The following CYTH1 variants were observed in gnomAD, a reference collection of about 807,000 sequenced individuals.
CYTH1 encodes the protein cytohesin-1.
CYTH1 carries 18 observed loss-of-function variants against 61.8 expected under a neutral mutation model. The observed-to-expected ratio is 0.29, with a 90% CI of 0.20 to 0.43. CYTH1 has a LOEUF of 0.43. CYTH1 is among the 20% of genes least tolerant of loss of function. The pLI, the probability that CYTH1 is intolerant of heterozygous loss-of-function variation, is 1.00. For synonymous variants in CYTH1, 174 were observed against 184.3 expected, an observed-to-expected ratio of 0.94 and a Z score of 0.45; for missense variants, 336 against 510.5, an observed-to-expected ratio of 0.66 and a Z score of 3.29.
At position 78,675,832 on chromosome 17, in the gene CYTH1, C is replaced by T. The variant is rs1337761416; in HGVS notation, c.*259G>A. On this transcript the variant is annotated 3_prime_UTR_variant, in exon 14 of 14. Transcript: ENST00000446868. ...CAGAGAAACTGGCCAGGAGGCTGCCCTGCCGACAAGAGCTCTGCCCTGTGA... is the reference window on the plus strand; with the variant it reads ...CAGAGAAACTGGCCAGGAGGCTGCCTTGCCGACAAGAGCTCTGCCCTGTGA... 7.7e-6 allele frequency: 11 copies of T among 1,437,788 alleles called. No homozygotes were observed. Among genetic ancestry groups the T allele is most frequent in the Non-Finnish European group, 1.0e-5 (11 of 1,091,356 alleles). The allele number at this position is 1,437,788 out of a possible 1,614,324, so 89.1% of individuals were successfully genotyped here.
At chr17:78,749,110 A>T (rs764683059) in intron 1 of CYTH1, among the ~76,000 whole-genome samples, 1 of 152,132 alleles carries the variant, frequency 6.6e-6, no homozygotes, top group Non-Finnish European at 1.5e-5. Flanking sequence ...ATTGATTTAA[A>T]AACAAACTAG....
chr17:78,703,031 C>T (rs1398827329), intron 3 of CYTH1, among the ~76,000 whole-genome samples: 3 of 152,096 alleles, frequency 2.0e-5, no homozygotes, highest in Admixed American at 2.0e-4. Context: ...AATGATCTGC[C>T]TGCGTCAGCC....
chr17:78,764,202 T>TA (rs2093439540), intron 1 of CYTH1, among the ~76,000 whole-genome samples: 1 of 151,734 alleles, frequency 6.6e-6, no homozygotes, highest in Admixed American at 6.6e-5. Context: ...AAATGTCTTT[T>TA]TTTTTTTTTT....
At chr17:78,731,525 C>T (rs969690194) in intron 1 of CYTH1, among the ~76,000 whole-genome samples, 6 of 151,852 alleles carry the variant, frequency 4.0e-5, no homozygotes, top group Admixed American at 6.6e-5. Context: ...TTTGGGAGGC[C>T]GAGGTGGGCA....
chr17:78,748,079 T>C (rs1017051399), intron 1 of CYTH1, among the ~76,000 whole-genome samples: 6 of 152,166 alleles, frequency 3.9e-5, no homozygotes, highest in African/African-American at 1.4e-4. Flanking sequence ...CCCTACCCAT[T>C]ATTCAAAGTC....
chr17:78,754,888 A>G (rs967076340), intron 1 of CYTH1, among the ~76,000 whole-genome samples: 3 of 152,094 alleles, frequency 2.0e-5, no homozygotes, highest in Admixed American at 6.5e-5. Flanking sequence ...CCTCTATTAT[A>G]TTTTATATAT....
At chr17:78,733,675 C>A (rs1384367) in intron 1 of CYTH1, among the ~76,000 whole-genome samples, 61,806 of 152,218 alleles carry the variant, frequency 0.41, 14,975 homozygotes, top group Non-Finnish European at 0.53. Flanking sequence ...GAATTCCAGG[C>A]GATGCCAAGA....
intron 1 of CYTH1, among the ~76,000 whole-genome samples, chr17:78,736,230 T>A (rs2093319339): frequency 6.6e-6 from 1 of 152,248 alleles, no homozygotes; most frequent in South Asian, 2.1e-4. Flanking sequence ...ATTTGTGGAA[T>A]TCCCAGAAGT....
intron 1 of CYTH1, among the ~76,000 whole-genome samples, chr17:78,771,127 G>A (rs1567885726): frequency 6.6e-6 from 1 of 152,164 alleles, no homozygotes; most frequent in Admixed American, 6.5e-5. Flanking sequence ...GCCAGGCATG[G>A]TGGTGCCCGC....
At chr17:78,776,996 A>G (rs1240182762) in intron 1 of CYTH1, among the ~76,000 whole-genome samples, 4 of 151,994 alleles carry the variant, frequency 2.6e-5, no homozygotes, top group Non-Finnish European at 4.4e-5. Flanking sequence ...GTGGTGACGC[A>G]TGCCTGTAAT....
At position 78,675,842 on chromosome 17, in the gene CYTH1, G is replaced by A; in HGVS notation, c.*249C>T. ...GGCCAGGAGGCTGCCCTGCCGACAA[G>A]AGCTCTGCCCTGTGAGAGAGGAAGG... On this transcript the variant is annotated 3_prime_UTR_variant, in exon 14 of 14. Coordinates refer to ENST00000446868, the MANE Select transcript of CYTH1 (RefSeq NM_004762.6). 1 of 1,443,604 alleles carries A rather than the reference G, an allele frequency of 6.9e-7. No homozygotes were observed. Among genetic ancestry groups the A allele is most frequent in the Non-Finnish European group, 9.1e-7 (1 of 1,095,502 alleles). 89.4% of individuals were successfully genotyped at this position (1,443,604 alleles called of 1,614,324 possible).
intron 11 of CYTH1, among the ~76,000 whole-genome samples, chr17:78,685,158 C>G (rs1261911195): frequency 7.2e-6 from 1 of 138,418 alleles, no homozygotes; most frequent in African/African-American, 2.7e-5. Flanking sequence ...ACTGCAAGAT[C>G]GTGCCACTGG....
chr17:78,758,200 A>C (rs1390533544), intron 1 of CYTH1, among the ~76,000 whole-genome samples: 3 of 152,208 alleles, frequency 2.0e-5, no homozygotes, highest in African/African-American at 7.2e-5. Flanking sequence ...TCTAAATAAC[A>C]AGACAGGATG....
chr17:78,763,297 C>T (rs1379883567), intron 1 of CYTH1, among the ~76,000 whole-genome samples: 4 of 147,524 alleles, frequency 2.7e-5, no homozygotes, highest in South Asian at 2.1e-4. Flanking sequence ...GAGCCGAGGC[C>T]GTGCCAAAAA....
At chr17:78,757,161 G>C (rs2093405101) in intron 1 of CYTH1, among the ~76,000 whole-genome samples, 1 of 151,756 alleles carries the variant, frequency 6.6e-6, no homozygotes, top group Non-Finnish European at 1.5e-5. Context: ...TGTTAGCCAG[G>C]ATGGTTTTGA....
chr17:78,701,958 G>C (rs1372405381), intron 5 of CYTH1, among the ~76,000 whole-genome samples, 164 bp downstream of exon 5: 2 of 152,148 alleles, frequency 1.3e-5, no homozygotes, highest in African/African-American at 4.8e-5. Flanking sequence ...CCCCAGAAAA[G>C]ACCCATCACT....
chr17:78,765,129 G>A (rs987661397), intron 1 of CYTH1, among the ~76,000 whole-genome samples: 16 of 152,124 alleles, frequency 1.1e-4, no homozygotes, highest in Non-Finnish European at 2.1e-4. Context: ...ACCAAGCACC[G>A]CAAGGAGTTT....
chr17:78,778,637 CAAAAAAAAAA>C (rs71309108), intron 1 of CYTH1, among the ~76,000 whole-genome samples: 3 of 64,216 alleles, frequency 4.7e-5, no homozygotes, highest in Admixed American at 1.9e-4. Context: ...GACTCCATCT[CAAAAAAAAAA>C]AAAAAAAAAA....
intron 1 of CYTH1, among the ~76,000 whole-genome samples, chr17:78,747,685 GTTTTCT>G (rs2093364791): frequency 6.6e-6 from 1 of 152,092 alleles, no homozygotes; most frequent in Non-Finnish European, 1.5e-5. Flanking sequence ...CTGGCACAAT[GTTTTCT>G]ATGTTCAGCC....
Sources: allele counts gnomAD v4.1 joint callset (sites outside exome capture counted in the v4.1 genomes callset), GRCh38; gene constraint gnomAD v4.1.1; transcripts MANE v1.5; gene names NCBI Gene and HGNC (gene_info 2026-07-23, HGNC 2026-07-21).